RYR2: variants seen among roughly 807,000 people sequenced by gnomAD.
RYR2 encodes ryanodine receptor 2.
Under a neutral mutation model 601.1 loss-of-function variants are expected in RYR2, and 227 were observed. The ratio of observed to expected loss-of-function variants is 0.38; its 90% CI spans 0.34 to 0.42. The LOEUF (loss-of-function observed/expected upper bound fraction) is 0.42, where lower values mean the gene tolerates loss of function less well. Ranked by LOEUF, RYR2 falls within the 10% of genes least tolerant of loss-of-function variation. The probability of loss-of-function intolerance (pLI) is 1.00; values close to 1 mark genes in which losing one functional copy is unlikely to be tolerated. For synonymous variants in RYR2, 2,223 were observed against 2,175.1 expected (o/e 1.02, Z -0.61); for missense variants, 4,646 against 6,156.5 (o/e 0.75, Z 8.21).
intron 1 of RYR2, among the ~76,000 whole-genome samples, chr1:237,159,430 T>G (rs748771421): frequency 1.9e-4 from 29 of 152,140 alleles, no homozygotes; most frequent in Non-Finnish European, 3.5e-4. Flanking sequence ...ACAGGAGAGA[T>G]GTGTTACATG....
At chr1:237,317,690 C>T (rs573282471) in intron 2 of RYR2, among the ~76,000 whole-genome samples, 1 of 151,750 alleles carries the variant, frequency 6.6e-6, no homozygotes, top group South Asian at 2.1e-4. Flanking sequence ...CTCTCCTTCC[C>T]TTCCTTCCTT....
chr1:237,175,018 G>A (rs542198137), intron 1 of RYR2, among the ~76,000 whole-genome samples: 58 of 152,238 alleles, frequency 3.8e-4, no homozygotes, highest in African/African-American at 1.3e-3. Context: ...CAACCTTTAT[G>A]TTTGTAAAGC....
At chr1:237,722,355 A>G (rs1482759600) in intron 73 of RYR2, among the ~76,000 whole-genome samples, 1 of 151,722 alleles carries the variant, frequency 6.6e-6, no homozygotes, top group Admixed American at 6.6e-5. Flanking sequence ...AATTTTAAAT[A>G]TTTGTTTAAT....
chr1:237,641,890 C>T (rs185745639), intron 47 of RYR2, among the ~76,000 whole-genome samples: 3 of 152,198 alleles, frequency 2.0e-5, no homozygotes, highest in East Asian at 1.9e-4. Flanking sequence ...ATTAAAGTTT[C>T]GTGGAATAAT....
intron 47 of RYR2, among the ~76,000 whole-genome samples, chr1:237,641,910 C>G (rs1219972026): frequency 6.6e-6 from 1 of 152,180 alleles, no homozygotes; most frequent in Non-Finnish European, 1.5e-5. Flanking sequence ...TACTTTTACT[C>G]TGTAATACAT....
intron 25 of RYR2, among the ~76,000 whole-genome samples, chr1:237,542,386 G>A (rs1241321525): frequency 2.0e-5 from 3 of 152,160 alleles, no homozygotes; most frequent in African/African-American, 7.2e-5. Flanking sequence ...GCACCTGAAA[G>A]CATTCTACTG....
At chr1:237,552,582 T>C (rs1202750855) in intron 27 of RYR2, among the ~76,000 whole-genome samples, 1 of 152,022 alleles carries the variant, frequency 6.6e-6, no homozygotes, top group African/African-American at 2.4e-5. Context: ...GATTAATTTA[T>C]AGCAAATAGA....
At chr1:237,608,315 C>T (rs946814609) in intron 35 of RYR2, among the ~76,000 whole-genome samples, 6 of 152,104 alleles carry the variant, frequency 3.9e-5, no homozygotes, top group African/African-American at 9.7e-5. Flanking sequence ...CAGCGGATGC[C>T]GTAGATGGAC....
chr1:237,780,638 A>G (rs1695027593), intron 88 of RYR2, among the ~76,000 whole-genome samples: 1 of 152,220 alleles, frequency 6.6e-6, no homozygotes, highest in Admixed American at 6.5e-5. Flanking sequence ...TTGAAAAAGA[A>G]TGTTTCTTTA....
chr1:237,832,457 C>G (rs1663913025), intron 104 of RYR2, 95 bp from the exon 105 acceptor site: 1 of 704,960 alleles, frequency 1.4e-6, no homozygotes, highest in Non-Finnish European at 2.5e-6. Context: ...CTTCTCTATT[C>G]CGTGCGATAT....
intron 10 of RYR2, among the ~76,000 whole-genome samples, chr1:237,396,077 A>C (rs16835213): frequency 0.022 from 3,295 of 152,306 alleles, 123 homozygotes; most frequent in African/African-American, 0.074. Context: ...TTGCACTTTA[A>C]TGTAAGTTTG....
At chr1:237,139,659 A>C (rs1180549264) in intron 1 of RYR2, among the ~76,000 whole-genome samples, 1 of 152,176 alleles carries the variant, frequency 6.6e-6, no homozygotes, top group Non-Finnish European at 1.5e-5. Flanking sequence ...TGTCTATCTC[A>C]TGGGTTCCTT....
intron 24 of RYR2, among the ~76,000 whole-genome samples, chr1:237,529,650 A>T (rs529426030): frequency 6.6e-6 from 1 of 152,074 alleles, no homozygotes; most frequent in South Asian, 2.1e-4. Flanking sequence ...GTTATTTCTT[A>T]CTCTATCAAG....
At chr1:237,793,267 A>ATATC (rs1658679245) in intron 94 of RYR2, among the ~76,000 whole-genome samples, 1 of 152,206 alleles carries the variant, frequency 6.6e-6, no homozygotes, top group Non-Finnish European at 1.5e-5. Context: ...TATTTCCAGA[A>ATATC]TATCAGTGTC....
At chr1:237,822,636 A>T (rs997705836) in intron 101 of RYR2, among the ~76,000 whole-genome samples, 23 of 152,322 alleles carry the variant, frequency 1.5e-4, no homozygotes, top group African/African-American at 5.5e-4. Flanking sequence ...GGGCAGAATA[A>T]CCAGCTGGCA....
At chr1:237,625,888 G>A in intron 40 of RYR2, 84 bp downstream of exon 40, 1 of 1,474,186 alleles carries the variant, frequency 6.8e-7, no homozygotes, top group Non-Finnish European at 9.2e-7. Flanking sequence ...TACTGGATGA[G>A]CCAGTGAGAT....
chr1:237,056,282 A>G (rs1462033851), intron 1 of RYR2, among the ~76,000 whole-genome samples: 2 of 129,912 alleles, frequency 1.5e-5, no homozygotes, highest in Non-Finnish European at 3.2e-5. Flanking sequence ...TAGAGACTAT[A>G]CCTGTGAGGA....
chr1:237,521,664 G>A (rs113461429), intron 24 of RYR2, among the ~76,000 whole-genome samples: 6 of 151,850 alleles, frequency 4.0e-5, no homozygotes, highest in East Asian at 3.9e-4. Context: ...AGGTTGCAGC[G>A]AGCCGAGATC....
At chr1:237,170,522 G>A (rs770168005) in intron 1 of RYR2, among the ~76,000 whole-genome samples, 5 of 152,140 alleles carry the variant, frequency 3.3e-5, no homozygotes, top group Non-Finnish European at 7.3e-5. Flanking sequence ...TATAAAATAC[G>A]ACTAAGCGGA....
Sources: allele counts gnomAD v4.1 joint callset (sites outside exome capture counted in the v4.1 genomes callset), GRCh38; gene constraint gnomAD v4.1.1; transcripts MANE v1.5; gene names NCBI Gene and HGNC (gene_info 2026-07-23, HGNC 2026-07-21).